The following SRRM4 variants were observed in gnomAD, a reference collection of about 807,000 sequenced individuals.
SRRM4 encodes the protein serine/arginine repetitive matrix protein 4.
Under a neutral mutation model 68.9 loss-of-function variants are expected in SRRM4, and 33 were observed. The observed-to-expected ratio is 0.48, with a 90% CI of 0.36 to 0.64. The LOEUF (loss-of-function observed/expected upper bound fraction) is 0.64, where lower values mean the gene tolerates loss of function less well. Among genes scored for constraint, SRRM4 ranks in the 30% least tolerant of loss-of-function variants. The probability of loss-of-function intolerance (pLI) is 0.00; values close to 1 mark genes in which losing one functional copy is unlikely to be tolerated. For missense variants in SRRM4, 817 were observed against 827.1 expected, an observed-to-expected ratio of 0.99 and a Z score of 0.15; for synonymous variants, 318 against 318.8, an observed-to-expected ratio of 1.00 and a Z score of 0.03.
rs1953247940 is a variant in SRRM4 at position 118,981,698 on chromosome 12, C to T, written c.-185C>T. 1 of 639,716 alleles carries T rather than the reference C, an allele frequency of 1.6e-6. No homozygotes were observed. The highest frequency in any genetic ancestry group is 2.6e-6 in the Non-Finnish European group (1 of 382,078). The allele number at this position is 639,716 out of a possible 1,614,324, so 39.6% of individuals were successfully genotyped here. A position where few individuals can be genotyped will look rare whatever the true frequency, so the allele number is the denominator to read the frequency against. On this transcript the variant is annotated 5_prime_UTR_variant, in exon 1 of 13. Coordinates refer to ENST00000267260, the MANE Select transcript of SRRM4 (RefSeq NM_194286.4). ...CGAAGAAAGCCCAGCGGACGAGCCT[C>T]CTTTCTCTGCTGCCTGCCCGGGCTG...
intron 1 of SRRM4, among the ~76,000 whole-genome samples, chr12:119,083,821 G>A (rs1197854585): frequency 6.6e-6 from 1 of 152,174 alleles, no homozygotes; most frequent in Middle Eastern, 3.2e-3. Flanking sequence ...ATTTGTGCTA[G>A]AGGAGATAAC....
intron 7 of SRRM4, among the ~76,000 whole-genome samples, chr12:119,130,225 T>C (rs1486696203): frequency 6.7e-6 from 1 of 150,080 alleles, no homozygotes; most frequent in African/African-American, 2.4e-5. Context: ...GATGGATGGA[T>C]GGATAGATGA....
chr12:119,042,962 C>A (rs1179214752), intron 1 of SRRM4, among the ~76,000 whole-genome samples: 1 of 152,054 alleles, frequency 6.6e-6, no homozygotes, highest in Non-Finnish European at 1.5e-5. Flanking sequence ...ATTAGTTCCA[C>A]CATTGTGGGA....
At position 119,113,799 on chromosome 12, in the gene SRRM4, A is replaced by G. The variant is rs975592894; in HGVS notation, c.279-479A>G. Among the ~76,000 whole-genome samples, 36 of 152,294 alleles carry G rather than the reference A, an allele frequency of 2.4e-4. No homozygotes were observed. In the East Asian group the frequency reaches 5.6e-3, roughly 24 times the overall value. On this transcript the variant is annotated intron_variant, in intron 2 of 12. Coordinates refer to ENST00000267260, the MANE Select transcript of SRRM4 (RefSeq NM_194286.4). ...GGTTTTTGAGGTTCTGCGAGGCAAT[A>G]TAAGATACGTATCTCGTTACATTAG...
In SRRM4 at chr12:119,117,027, G is replaced by C. The variant is rs1274343935; in HGVS notation, c.437+19G>C. 6.2e-7 allele frequency: 1 copy of C among 1,612,476 alleles called. No individual in the cohort carries two copies. Among genetic ancestry groups the C allele is most frequent in the Non-Finnish European group, 8.5e-7 (1 of 1,178,888 alleles). On this transcript the variant is annotated intron_variant, in intron 4 of 12. Coordinates refer to ENST00000267260, the MANE Select transcript of SRRM4 (RefSeq NM_194286.4). Reference sequence around the variant, plus strand: ...GACGCAGGTATTGTCCTTTTTCTCTGCAAACAAGACCTCCCCAGGTGGGGT... The same window carrying C: ...GACGCAGGTATTGTCCTTTTTCTCTCCAAACAAGACCTCCCCAGGTGGGGT...
At chr12:119,127,142 T>C (rs1954266490) in intron 7 of SRRM4, among the ~76,000 whole-genome samples, 1 of 151,256 alleles carries the variant, frequency 6.6e-6, no homozygotes. Context: ...CACACCAGCA[T>C]GGCACATGTA....
At chr12:119,150,211 T>G (rs1954429708) in intron 9 of SRRM4, among the ~76,000 whole-genome samples, 1 of 152,110 alleles carries the variant, frequency 6.6e-6, no homozygotes, top group Non-Finnish European at 1.5e-5. Flanking sequence ...GGGGCTCACA[T>G]CTGTAATCCC....
intron 1 of SRRM4, among the ~76,000 whole-genome samples, chr12:119,041,124 T>C (rs1953666107): frequency 6.6e-6 from 1 of 152,176 alleles, no homozygotes; most frequent in Non-Finnish European, 1.5e-5. Context: ...CTTATTTGAT[T>C]GTTAATAATT....
chr12:119,098,806 C>T (rs751399753), intron 1 of SRRM4, among the ~76,000 whole-genome samples: 1 of 152,224 alleles, frequency 6.6e-6, no homozygotes, highest in Admixed American at 6.5e-5. Context: ...TTACTTCTCA[C>T]ATTTAGCCAG....
intron 1 of SRRM4, among the ~76,000 whole-genome samples, chr12:119,025,476 C>T (rs976596452): frequency 6.6e-6 from 1 of 151,596 alleles, no homozygotes; most frequent in African/African-American, 2.4e-5. Context: ...CTGAGTTTCA[C>T]TCTTGTTGCC....
chr12:119,081,905 C>T (rs7958964), intron 1 of SRRM4, among the ~76,000 whole-genome samples: 87,060 of 136,122 alleles, frequency 0.64, 25,911 homozygotes, highest in Middle Eastern at 0.79. Flanking sequence ...CTGCCATTAA[C>T]GGAGATGATG....
rs915513433 is a variant in SRRM4, at chr12:119,080,120, G to C, written c.132-22116G>C. On this transcript the variant is annotated intron_variant, in intron 1 of 12. Coordinates refer to ENST00000267260, the MANE Select transcript of SRRM4 (RefSeq NM_194286.4). ...CATCCTGTCTTAACCCCTAACCTTT[G>C]TTAGCTGGTATGACAGGTGTCGGGA... is the stretch of plus-strand genomic sequence containing the variant. Among the ~76,000 whole-genome samples, 4 of 152,046 alleles carry C rather than the reference G, an allele frequency of 2.6e-5. No individual in the cohort carries two copies. In the East Asian group the frequency reaches 7.7e-4, roughly 29 times the overall value.
At chr12:119,043,887 C>T (rs1366321059) in intron 1 of SRRM4, among the ~76,000 whole-genome samples, 3 of 151,394 alleles carry the variant, frequency 2.0e-5, no homozygotes, top group African/African-American at 4.9e-5. Flanking sequence ...TTTTTTGAGA[C>T]GGAGTTTTGC....
At chr12:119,112,014 C>G (rs1446964003) in intron 2 of SRRM4, among the ~76,000 whole-genome samples, 1 of 151,756 alleles carries the variant, frequency 6.6e-6, no homozygotes, top group Non-Finnish European at 1.5e-5. Context: ...CCACTGCACT[C>G]CAGCCTAGGC....
At chr12:119,093,041 C>T (rs2136037678) in intron 1 of SRRM4, among the ~76,000 whole-genome samples, 1 of 152,296 alleles carries the variant, frequency 6.6e-6, no homozygotes, top group African/African-American at 2.4e-5. Context: ...AGGCTCACTC[C>T]CTCATCACTT....
At chr12:119,058,627 A>G (rs1953791801) in intron 1 of SRRM4, among the ~76,000 whole-genome samples, 1 of 152,212 alleles carries the variant, frequency 6.6e-6, no homozygotes, top group Admixed American at 6.5e-5. Flanking sequence ...ATTTCTAATG[A>G]AAATGACACG....
chr12:119,035,845 T>C (rs1594037117), intron 1 of SRRM4, among the ~76,000 whole-genome samples: 2 of 152,240 alleles, frequency 1.3e-5, no homozygotes, highest in African/African-American at 4.8e-5. Flanking sequence ...CTTCTGTACT[T>C]TGAGTCTTTT....
At position 119,095,347 on chromosome 12, in the gene SRRM4, G is replaced by A. The variant is rs78864417; in HGVS notation, c.132-6889G>A. Reference sequence around the variant, plus strand: ...CATTCTCTATTGAAACAGGCAGAGTGTGGGTGTCTGGCAAGTGTGGGAAAA... The same window carrying A: ...CATTCTCTATTGAAACAGGCAGAGTATGGGTGTCTGGCAAGTGTGGGAAAA... On this transcript the variant is annotated intron_variant, in intron 1 of 12. Coordinates refer to ENST00000267260, the MANE Select transcript of SRRM4 (RefSeq NM_194286.4). Among the ~76,000 whole-genome samples, 911 of 152,310 alleles carry A rather than the reference G, an allele frequency of 6.0e-3. 8 individuals are homozygous for A. Among genetic ancestry groups the A allele is most frequent in the African/African-American group, 0.021 (873 of 41,568 alleles).
chr12:118,997,120 A>C (rs1016362022), intron 1 of SRRM4, among the ~76,000 whole-genome samples: 3 of 152,274 alleles, frequency 2.0e-5, no homozygotes, highest in Non-Finnish European at 2.9e-5. Context: ...AAGAGATATT[A>C]GTTAACCATA....
Sources: gnomAD v4.1 joint callset for allele counts (sites outside exome capture counted in the v4.1 genomes callset) on GRCh38, gnomAD v4.1.1 for gene constraint, MANE v1.5 for transcripts, NCBI Gene and HGNC (gene_info 2026-07-23, HGNC 2026-07-21) for gene names.